The following HSP90B1 variants were observed in gnomAD, a reference collection of about 807,000 sequenced individuals.
The protein encoded by HSP90B1 is endoplasmin.
Under a neutral mutation model 100.4 loss-of-function variants are expected in HSP90B1, and 27 were observed. The ratio of observed to expected loss-of-function variants is 0.27; its 90% confidence interval spans 0.20 to 0.37. The LOEUF (loss-of-function observed/expected upper bound fraction) is 0.37. Ranked by LOEUF, HSP90B1 falls within the 10% of genes least tolerant of loss-of-function variation. The probability of loss-of-function intolerance (pLI) is 1.00; values close to 1 mark genes in which losing one functional copy is unlikely to be tolerated. For missense variants in HSP90B1, 678 were observed against 960.5 expected (o/e 0.71, Z 3.89); for synonymous variants, 304 against 330.8 (o/e 0.92, Z 0.88).
intron 15 of HSP90B1, 28 bp from the exon 16 acceptor site, chr12:103,946,753 AATATT>A: frequency 6.2e-7 from 1 of 1,613,132 alleles, no homozygotes; most frequent in South Asian, 1.1e-5. Flanking sequence ...TGTATCTTTT[AATATT>A]AATCTAGTGC....
At chr12:103,936,603 C>T (rs767081520) in intron 5 of HSP90B1, among the ~76,000 whole-genome samples, 8 of 142,874 alleles carry the variant, frequency 5.6e-5, no homozygotes, top group African/African-American at 1.6e-4. Flanking sequence ...GCCATCATCA[C>T]GCCTGGGTGA....
rs1423322869 is a variant in HSP90B1 at position 103,941,871 on chromosome 12, A to G, written c.1348A>G (p.Thr450Ala). The part of the protein sequence containing the change: ...DDLPLNVSRE[T>A]LQQHKLLKVI... Reference sequence around the variant, plus strand: ...TCTCCCCTTGAATGTTTCCCGCGAGACTCTTCAGCAACATAAACTGCTTAA... The same window carrying G: ...TCTCCCCTTGAATGTTTCCCGCGAGGCTCTTCAGCAACATAAACTGCTTAA... The change falls in exon 11 of 18, where the codon ACT becomes GCT. Residue 450 changes from threonine to alanine, a missense_variant. Coordinates refer to ENST00000299767, the MANE Select transcript of HSP90B1 (RefSeq NM_003299.3). The G allele has an allele frequency of 1.2e-6, 2 of 1,613,752 alleles. No homozygotes were observed. Among genetic ancestry groups the G allele is most frequent in the Non-Finnish European group, 1.7e-6 (2 of 1,179,830 alleles).
chr12:103,939,592 T>A lies in HSP90B1; in HGVS notation c.1059T>A (p.Asp353Glu). Reference protein sequence around the residue: ...WQRPSKEVEEDEYKAFYKSFS... With the variant: ...WQRPSKEVEEEEYKAFYKSFS... Reference sequence around the variant, plus strand: ...GACCATCAAAAGAAGTAGAAGAAGATGAATACAAAGCTTTCTACAAATCAT... The same window carrying A: ...GACCATCAAAAGAAGTAGAAGAAGAAGAATACAAAGCTTTCTACAAATCAT... The change falls in exon 8 of 18, where the codon GAT (aspartate) becomes GAA (glutamate). Residue 353 changes from aspartate (D) to glutamate (E), a missense_variant. By Grantham distance (45) the Asp-to-Glu change is conservative. Around this residue, in one of 8 missense-constraint regions of HSP90B1, gnomAD observed 238 missense variants for 346.7 expected, o/e 0.69. Coordinates refer to ENST00000299767, the MANE Select transcript of HSP90B1 (RefSeq NM_003299.3). 1 of 1,567,536 alleles carries A rather than the reference T, an allele frequency of 6.4e-7. No individual in the cohort carries two copies. Among genetic ancestry groups the A allele is most frequent in the Non-Finnish European group, 8.7e-7 (1 of 1,149,596 alleles).
At chr12:103,939,664 A>G in intron 8 of HSP90B1, 39 bp downstream of exon 8, 1 of 884,804 alleles carries the variant, frequency 1.1e-6, no homozygotes, top group Non-Finnish European at 1.8e-6. Context: ...GTTATTAATG[A>G]ATAGACAAAA....
intron 5 of HSP90B1, among the ~76,000 whole-genome samples, chr12:103,934,723 C>T (rs760956163): frequency 1.2e-4 from 18 of 152,274 alleles, no homozygotes; most frequent in East Asian, 5.8e-4. Context: ...TATTTTGAGA[C>T]GGAGTCTCAC....
At chr12:103,936,560 T>C (rs1177836065) in intron 5 of HSP90B1, among the ~76,000 whole-genome samples, 1 of 149,190 alleles carries the variant, frequency 6.7e-6, no homozygotes, top group Non-Finnish European at 1.5e-5. Flanking sequence ...GGTAGGAGGA[T>C]TGCTTGAGCC....
In HSP90B1 at chr12:103,942,515, C is replaced by A. The variant is rs556013119; in HGVS notation, c.1375-12C>A. Reference sequence around the variant, plus strand: ...TAACTTCTCTAATCAGTTATTCTTTCATTGTGTTTAGGTGATTAGGAAGAA... The same window carrying A: ...TAACTTCTCTAATCAGTTATTCTTTAATTGTGTTTAGGTGATTAGGAAGAA... On this transcript the variant is annotated splice_polypyrimidine_tract_variant and intron_variant, in intron 11 of 17. Coordinates refer to ENST00000299767, the MANE Select transcript of HSP90B1 (RefSeq NM_003299.3). 6.2e-6 allele frequency: 10 copies of A among 1,610,686 alleles called. No individual in the cohort carries two copies. The highest frequency in any genetic ancestry group is 5.3e-5 in the African/African-American group (4 of 74,892).
chr12:103,933,524 A>C (rs565409509), intron 4 of HSP90B1, among the ~76,000 whole-genome samples: 1 of 152,284 alleles, frequency 6.6e-6, no homozygotes, highest in Admixed American at 6.5e-5. Context: ...AATGGAAAGT[A>C]GAGTACTCCT....
At position 103,946,632 on chromosome 12, in the gene HSP90B1, A is replaced by C. The variant is rs778242700; in HGVS notation, c.2042A>C (p.Gln681Pro). 6.2e-7 allele frequency: 1 copy of C among 1,613,364 alleles called. No individual in the cohort carries two copies. Among genetic ancestry groups the C allele is most frequent in the East Asian group, 2.2e-5 (1 of 44,872 alleles). Residue 681 changes from glutamine to proline, a missense_variant, in exon 15 of 18, where the codon CAG (glutamine) becomes CCG (proline). Physicochemically the swap from Gln to Pro is moderately conservative, Grantham distance 76. Transcript: ENST00000299767. ...KDISTNYYAS[Q>P]KKTFEINPRH... ...TCTCTTAACAGTTACTATGCGAGTC[A>C]GAAGAAAACATTTGAAATTAATCCC... is the stretch of plus-strand genomic sequence containing the variant.
chr12:103,939,766 A>G, intron 8 of HSP90B1, 141 bp downstream of exon 8: 1 of 484,404 alleles, frequency 2.1e-6, no homozygotes, highest in Non-Finnish European at 3.7e-6. Context: ...ATTCAAAAAA[A>G]GACCTTTAGG....
At chr12:103,933,888 T>A (rs1869833082) in intron 4 of HSP90B1, 68 bp from the exon 5 acceptor site, 1 of 1,281,820 alleles carries the variant, frequency 7.8e-7, no homozygotes, top group South Asian at 1.4e-5. Context: ...AGCTGGTTAG[T>A]TCCTCAATAT....
rs1289464030 is a variant in HSP90B1 at position 103,946,834 on chromosome 12, G to C, written c.2155G>C (p.Glu719Gln). 1 of 1,614,096 alleles carries C rather than the reference G, an allele frequency of 6.2e-7. No individual in the cohort carries two copies. Among genetic ancestry groups the C allele is most frequent in the Non-Finnish European group, 8.5e-7 (1 of 1,179,986 alleles). ...TVLDLAVVLF[E>Q]TATLRSGYLL... ...TTTGGATCTTGCTGTGGTTTTGTTT[G>C]AAACAGCAACGCTTCGGTCAGGGTA... The change falls in exon 16 of 18, where the codon GAA becomes CAA. Residue 719 changes from glutamate to glutamine, a missense_variant. Glu to Gln is a conservative substitution (Grantham distance 29). Around this residue, in one of 8 missense-constraint regions of HSP90B1, gnomAD observed 64 missense variants for 66.4 expected, o/e 0.96. Transcript: ENST00000299767.
In HSP90B1 at chr12:103,947,785, G is replaced by A. The variant is rs1870286550; in HGVS notation, c.*123G>A. On this transcript the variant is annotated 3_prime_UTR_variant, in exon 18 of 18. Transcript: ENST00000299767. ...CTTCTCCCCTGCACTGTAAAATGTGGGATTATGGGTCACAGGAAAAAGTGG... is the reference window on the plus strand; with the variant it reads ...CTTCTCCCCTGCACTGTAAAATGTGAGATTATGGGTCACAGGAAAAAGTGG... 2 of 837,374 alleles carry A rather than the reference G, an allele frequency of 2.4e-6. No individual in the cohort carries two copies. Among genetic ancestry groups the A allele is most frequent in the South Asian group, 2.9e-5 (2 of 68,484 alleles). 51.9% of individuals were successfully genotyped at this position (837,374 alleles called of 1,614,324 possible).
intron 7 of HSP90B1, among the ~76,000 whole-genome samples, chr12:103,939,248 C>CGCCACCAACAGACAGAT (rs1260549462): frequency 6.6e-6 from 1 of 151,894 alleles, no homozygotes; most frequent in African/African-American, 2.4e-5. Flanking sequence ...CACAGACACA[C>CGCCACCAACAGACAGAT]GCCACCATGA....
chr12:103,941,766 G>A (rs1425720609), intron 10 of HSP90B1, 60 bp downstream of exon 10: 6 of 1,602,484 alleles, frequency 3.7e-6, no homozygotes, highest in Non-Finnish European at 5.1e-6. Context: ...AGTGTAGAGT[G>A]TTTGTTTGGC....
At chr12:103,936,962 A>G (rs1214796394) in intron 5 of HSP90B1, among the ~76,000 whole-genome samples, 2 of 152,188 alleles carry the variant, frequency 1.3e-5, no homozygotes, top group Non-Finnish European at 2.9e-5. Flanking sequence ...ACCATTTCCC[A>G]TACTTAATTG....
rs1465771655 is a variant in HSP90B1 at position 103,938,450 on chromosome 12, G to A, written c.966G>A (p.Lys322=). Residue 322 remains lysine, a synonymous_variant, in exon 7 of 18, where the codon AAG becomes AAA. Coordinates refer to ENST00000299767, the MANE Select transcript of HSP90B1 (RefSeq NM_003299.3). Reference sequence around the variant, plus strand: ...AAGAAGAAGAAGAAAAGAAACCAAAGACTAAAAAAGTAAGTCTGGTTTATC... The same window carrying A: ...AAGAAGAAGAAGAAAAGAAACCAAAAACTAAAAAAGTAAGTCTGGTTTATC... ...VEEEEEEKKP[K]TKKVEKTVWD... is the part of the protein sequence containing the mutation. 19 of 1,608,880 alleles carry A rather than the reference G, an allele frequency of 1.2e-5. No individual in the cohort carries two copies. Among genetic ancestry groups the A allele is most frequent in the Non-Finnish European group, 1.6e-5 (19 of 1,177,630 alleles).
chr12:103,941,785 C>T (rs1870087473), intron 10 of HSP90B1, 47 bp from the exon 11 acceptor site: 6 of 1,603,980 alleles, frequency 3.7e-6, no homozygotes, highest in East Asian at 2.2e-5. Context: ...GCTTTGCTTT[C>T]TTCCAGTGGT....
At position 103,930,627 on chromosome 12, in the gene HSP90B1, T is replaced by G. The variant is rs1869719145; in HGVS notation, c.49+63T>G. On this transcript the variant is annotated intron_variant, in intron 1 of 17. Transcript: ENST00000299767. This position sits in a 1 kb window ranked among gnomAD's most constrained non-coding sequence, Gnocchi z 4.4. The stretch of plus-strand genomic sequence containing the variant: ...ACACGCGGCCGCTTCTCGAAGGTCC[T>G]GGGGGCGTTGAACGTGGGAGGGGGG... 6.6e-7 allele frequency: 1 copy of G among 1,520,804 alleles called. No individual in the cohort carries two copies. The highest frequency in any genetic ancestry group is 8.9e-7 in the Non-Finnish European group (1 of 1,121,610). The allele number at this position is 1,520,804 out of a possible 1,614,324, so 94.2% of individuals were successfully genotyped here.
Sources: gnomAD v4.1 joint callset for allele counts (sites outside exome capture counted in the v4.1 genomes callset) on GRCh38, gnomAD v4.1.1 for gene constraint, gnomAD v4.1.1 regional missense constraint, Gnocchi (gnomAD v3.1) non-coding constraint, MANE v1.5 for transcripts, NCBI Gene and HGNC (gene_info 2026-07-23, HGNC 2026-07-21) for gene names.